The following RALGPS1 variants were observed in gnomAD, a reference collection of about 807,000 sequenced individuals.
RALGPS1 encodes Ral GEF with PH domain and SH3 binding motif 1.
A neutral mutation model predicts 78.8 loss-of-function variants in RALGPS1; 19 were observed. The observed-to-expected ratio is 0.24, with a 90% confidence interval of 0.17 to 0.35. The LOEUF is 0.35. Ranked by LOEUF, RALGPS1 falls within the 10% of genes least tolerant of loss-of-function variation. The probability of loss-of-function intolerance (pLI) is 1.00; values close to 1 mark genes in which losing one functional copy is unlikely to be tolerated. For synonymous variants in RALGPS1, 228 were observed against 256.3 expected, an observed-to-expected ratio of 0.89 and a Z score of 1.06; for missense variants, 454 against 688.3, an observed-to-expected ratio of 0.66 and a Z score of 3.81.
rs2062359946 is a variant in RALGPS1, at chr9:127,212,910, C to G, written c.1447-34C>G. On this transcript the variant is annotated intron_variant, in intron 16 of 18. Coordinates refer to ENST00000259351, the MANE Select transcript of RALGPS1 (RefSeq NM_014636.3). This position sits in a 1 kb window ranked among gnomAD's most constrained non-coding sequence, Gnocchi z 6.0. The stretch of plus-strand genomic sequence containing the variant: ...TCCCTTGTGGAGTGGAGGGCTGGGC[C>G]CCGGTCTCCGGATGTGTTGTTGCTC... 1 of 1,613,628 alleles carries G rather than the reference C, an allele frequency of 6.2e-7. No individual in the cohort carries two copies. Among genetic ancestry groups the G allele is most frequent in the Non-Finnish European group, 8.5e-7 (1 of 1,179,850 alleles).
intron 8 of RALGPS1, among the ~76,000 whole-genome samples, chr9:127,084,476 T>G (rs2051494904): frequency 6.6e-6 from 1 of 152,132 alleles, no homozygotes; most frequent in African/African-American, 2.4e-5. Flanking sequence ...AAGCCTGAAT[T>G]TGTGCCTCGG....
intron 7 of RALGPS1, among the ~76,000 whole-genome samples, chr9:127,057,434 C>T (rs1209956476): frequency 6.6e-6 from 1 of 152,208 alleles, no homozygotes; most frequent in Non-Finnish European, 1.5e-5. Flanking sequence ...TAAGCTAGGG[C>T]AGGGCGTCCT....
At chr9:127,069,113 A>T in intron 7 of RALGPS1, 117 bp from the exon 8 acceptor site, 2 of 1,026,622 alleles carry the variant, frequency 1.9e-6, no homozygotes, top group Non-Finnish European at 1.4e-6. Flanking sequence ...TCTGTCCAGG[A>T]TTCGGCACAC....
At chr9:127,060,058 A>G (rs1175722653) in intron 7 of RALGPS1, among the ~76,000 whole-genome samples, 1 of 152,200 alleles carries the variant, frequency 6.6e-6, no homozygotes, top group African/African-American at 2.4e-5. Context: ...GTTCAGAGAA[A>G]CTGCTGTGTA....
At chr9:126,920,646 T>C (rs1234140534) in intron 1 of RALGPS1, among the ~76,000 whole-genome samples, 2 of 152,184 alleles carry the variant, frequency 1.3e-5, no homozygotes, top group African/African-American at 4.8e-5. Flanking sequence ...GGGCCTCCTT[T>C]CGTGGCAGAG....
At chr9:126,957,628 A>C (rs2038467235) in intron 1 of RALGPS1, among the ~76,000 whole-genome samples, 2 of 152,312 alleles carry the variant, frequency 1.3e-5, no homozygotes, top group African/African-American at 4.8e-5. Context: ...TGAGTTGGTC[A>C]GCCTTATACT....
intron 4 of RALGPS1, among the ~76,000 whole-genome samples, chr9:127,026,235 A>G (rs1434997956): frequency 1.3e-5 from 2 of 152,166 alleles, no homozygotes; most frequent in African/African-American, 4.8e-5. Context: ...TGTAGGCTGG[A>G]GGGCTAGGCC....
chr9:127,143,138 C>T (rs1037611255), intron 8 of RALGPS1, among the ~76,000 whole-genome samples: 6 of 152,144 alleles, frequency 3.9e-5, no homozygotes, highest in African/African-American at 1.4e-4. Context: ...CTTTTAACCA[C>T]CGTAGATTTC....
intron 11 of RALGPS1, among the ~76,000 whole-genome samples, chr9:127,188,997 CAAAAAAAAAAAAAA>C (rs543909572): frequency 1.2e-4 from 7 of 56,818 alleles, no homozygotes; most frequent in Admixed American, 2.6e-4. Context: ...AAGACTGTCT[CAAAAAAAAAAAAAA>C]AAAAAAAAAA....
chr9:127,055,212 A>ATCTGTCTGTCTG (rs11281489), intron 7 of RALGPS1, among the ~76,000 whole-genome samples: 1,614 of 151,090 alleles, frequency 0.011, 25 homozygotes, highest in African/African-American at 0.03. Flanking sequence ...CTATCTATCT[A>ATCTGTCTGTCTG]TCTGTCTGTC....
chr9:127,183,567 C>T lies in RALGPS1; in HGVS notation c.910+8785C>T, dbSNP rs945746064. On this transcript the variant is annotated intron_variant, in intron 11 of 18. Coordinates refer to ENST00000259351, the MANE Select transcript of RALGPS1 (RefSeq NM_014636.3). This position sits in a 1 kb window ranked among gnomAD's most constrained non-coding sequence, Gnocchi z 4.0. ...GTCTTCTGGCACAGCCGTTTGGCCTCATCAGGCCTGAGTAAGGCACAGTAG... is the reference window on the plus strand; with the variant it reads ...GTCTTCTGGCACAGCCGTTTGGCCTTATCAGGCCTGAGTAAGGCACAGTAG... Among the ~76,000 whole-genome samples, 1 of 152,250 alleles carries T rather than the reference C, an allele frequency of 6.6e-6. No individual in the cohort carries two copies. Among genetic ancestry groups the T allele is most frequent in the East Asian group, 1.9e-4 (1 of 5,150 alleles).
chr9:127,089,451 C>T (rs968037077), intron 8 of RALGPS1, among the ~76,000 whole-genome samples: 3 of 152,182 alleles, frequency 2.0e-5, no homozygotes, highest in East Asian at 1.9e-4. Context: ...AATGAGGATG[C>T]GTACTTGACA....
At chr9:126,924,245 T>C (rs2035049641) in intron 1 of RALGPS1, among the ~76,000 whole-genome samples, 1 of 152,246 alleles carries the variant, frequency 6.6e-6, no homozygotes, top group Non-Finnish European at 1.5e-5. Context: ...AAGTGTCTGC[T>C]TCAGGGGCCT....
intron 8 of RALGPS1, among the ~76,000 whole-genome samples, chr9:127,131,128 G>A (rs1274544532): frequency 1.3e-5 from 2 of 152,194 alleles, no homozygotes; most frequent in Non-Finnish European, 2.9e-5. Context: ...TGGGGGTGGA[G>A]GGCAATGTTG....
chr9:127,013,731 A>G (rs1161465510), intron 4 of RALGPS1, among the ~76,000 whole-genome samples: 1 of 151,940 alleles, frequency 6.6e-6, no homozygotes. Flanking sequence ...CCACATCTCT[A>G]AGGGGGGCGT....
rs528745442 is a variant in RALGPS1 at position 127,002,611 on chromosome 9, C to A, written c.216+24866C>A. Among the ~76,000 whole-genome samples the A allele has an allele frequency of 5.7e-3, 704 of 123,434 alleles. 3 individuals carry two copies. Among genetic ancestry groups the A allele is most frequent in the African/African-American group, 0.02 (667 of 32,828 alleles). 81.0% of individuals were successfully genotyped at this position (123,434 alleles called of 152,430 possible). ...TCCCTCCCCCCTCCCCCCACCCCAC[C>A]ACAGTCCCTAGAGTGTGATATTCCC... is the stretch of plus-strand genomic sequence containing the variant. On this transcript the variant is annotated intron_variant, in intron 4 of 18. Transcript: ENST00000259351.
chr9:127,142,827 A>T (rs1204860672), intron 8 of RALGPS1, among the ~76,000 whole-genome samples: 5 of 152,144 alleles, frequency 3.3e-5, no homozygotes, highest in Non-Finnish European at 5.9e-5. Context: ...GTGTGTATGT[A>T]TGTATGTGGT....
intron 2 of RALGPS1, among the ~76,000 whole-genome samples, chr9:126,964,559 A>G (rs773461603): frequency 6.6e-6 from 1 of 151,384 alleles, no homozygotes; most frequent in Non-Finnish European, 1.5e-5. Flanking sequence ...AAACGAAGTT[A>G]TTCGTCTGAG....
At chr9:127,041,579 G>C (rs527431879) in intron 5 of RALGPS1, among the ~76,000 whole-genome samples, 1 of 152,186 alleles carries the variant, frequency 6.6e-6, no homozygotes, top group Non-Finnish European at 1.5e-5. Context: ...GCTTTATCCA[G>C]ACCACTCTTG....
Sources: gnomAD v4.1 joint callset for allele counts (sites outside exome capture counted in the v4.1 genomes callset) on GRCh38, gnomAD v4.1.1 for gene constraint, Gnocchi (gnomAD v3.1) non-coding constraint, MANE v1.5 for transcripts, NCBI Gene and HGNC (gene_info 2026-07-23, HGNC 2026-07-21) for gene names.